YPEL1: variants seen among roughly 807,000 people sequenced by gnomAD.
YPEL1 encodes protein yippee-like 1.
In YPEL1, 7 loss-of-function variants were observed where a neutral mutation model predicts 17.3. The observed-to-expected ratio is 0.40, with a 90% CI of 0.23 to 0.76. YPEL1 has a LOEUF of 0.76. Among genes scored for constraint, YPEL1 ranks in the 30% least tolerant of loss-of-function variants. The pLI is 0.35. For missense variants in YPEL1, 91 were observed against 155.5 expected (o/e 0.59, Z 2.21); for synonymous variants, 59 against 59.6 (o/e 0.99, Z 0.05).
intron 2 of YPEL1, 46 bp downstream of exon 2, chr22:21,710,575 CCACAATG>C: frequency 7.1e-7 from 1 of 1,408,264 alleles, no homozygotes. Flanking sequence ...TATGTAGGTA[CCACAATG>C]ACAGATAATC....
intron 2 of YPEL1, among the ~76,000 whole-genome samples, chr22:21,704,384 T>C (rs373380998): frequency 3.9e-5 from 6 of 152,188 alleles, no homozygotes; most frequent in African/African-American, 1.4e-4. Context: ...TGGCTGAGTA[T>C]GGCGGCTCAC....
intron 1 of YPEL1, among the ~76,000 whole-genome samples, chr22:21,726,600 C>T (rs1395447659): frequency 1.3e-5 from 2 of 152,180 alleles, no homozygotes; most frequent in South Asian, 2.1e-4. Context: ...GGAAGCGGTG[C>T]GTCCCCATCA....
chr22:21,709,106 T>C (rs189560110), intron 2 of YPEL1, among the ~76,000 whole-genome samples: 41 of 152,180 alleles, frequency 2.7e-4, no homozygotes, highest in African/African-American at 1.2e-4. Context: ...GGGCCGGACA[T>C]TGACCACCTC....
chr22:21,715,071 T>C (rs368702963), intron 1 of YPEL1, among the ~76,000 whole-genome samples: 7 of 152,210 alleles, frequency 4.6e-5, no homozygotes, highest in Non-Finnish European at 1.0e-4. Context: ...GGCATGTATG[T>C]ATAGTATGTG....
intron 2 of YPEL1, among the ~76,000 whole-genome samples, chr22:21,708,331 C>CT (rs775485136): frequency 0.013 from 1,353 of 102,110 alleles, 40 homozygotes; most frequent in Admixed American, 0.025. Context: ...AGGCTTCTGC[C>CT]TTTTTTTTTT....
rs1448808322 is a variant in YPEL1 at position 21,703,488 on chromosome 22, C to T, written c.162-10G>A. 1 of 1,605,066 alleles carries T rather than the reference C, an allele frequency of 6.2e-7. No individual in the cohort carries two copies. Among genetic ancestry groups the T allele is most frequent in the South Asian group, 1.1e-5 (1 of 91,052 alleles). On this transcript the variant is annotated splice_polypyrimidine_tract_variant and intron_variant, in intron 3 of 4. Coordinates refer to ENST00000339468, the MANE Select transcript of YPEL1 (RefSeq NM_013313.5). This position sits in a 1 kb window ranked among gnomAD's most constrained non-coding sequence, Gnocchi z 6.1. Reference sequence around the variant, plus strand: ...GCAGCCCACGTTCACCCTGCGGGGACAGAGGGGCCACTGCGCTGCAGGCCC... The same window carrying T: ...GCAGCCCACGTTCACCCTGCGGGGATAGAGGGGCCACTGCGCTGCAGGCCC...
intron 1 of YPEL1, among the ~76,000 whole-genome samples, chr22:21,716,189 G>A (rs1407085612): frequency 6.6e-6 from 1 of 152,216 alleles, no homozygotes; most frequent in Non-Finnish European, 1.5e-5. Flanking sequence ...GATTACAGGA[G>A]TGAGCCACCG....
At chr22:21,707,516 G>C (rs2068126416) in intron 2 of YPEL1, among the ~76,000 whole-genome samples, 1 of 152,198 alleles carries the variant, frequency 6.6e-6, no homozygotes, top group South Asian at 2.1e-4. Flanking sequence ...AAGCTGTTGA[G>C]ATCTGGGGAG....
At chr22:21,721,136 G>C (rs983624235) in intron 1 of YPEL1, among the ~76,000 whole-genome samples, 1 of 150,420 alleles carries the variant, frequency 6.6e-6, no homozygotes, top group Admixed American at 6.7e-5. Context: ...TTGGGGGGGG[G>C]AGGGGAGGAC....
intron 2 of YPEL1, 111 bp downstream of exon 2, chr22:21,710,517 G>C (rs1017093376): frequency 7.3e-6 from 7 of 957,002 alleles, no homozygotes; most frequent in Non-Finnish European, 1.2e-5. Flanking sequence ...TAGACGTTCA[G>C]GACACAGCAG....
chr22:21,733,527 G>A (rs1424048555), intron 1 of YPEL1, among the ~76,000 whole-genome samples: 1 of 152,118 alleles, frequency 6.6e-6, no homozygotes, highest in East Asian at 1.9e-4. Context: ...CAGCTCAGGA[G>A]TTTGAGACCA....
intron 1 of YPEL1, among the ~76,000 whole-genome samples, chr22:21,715,704 C>CA (rs1569061983): frequency 8.3e-6 from 1 of 120,486 alleles, no homozygotes; most frequent in Non-Finnish European, 2.1e-5. Flanking sequence ...GCCTCAGCCT[C>CA]CTGAGTAGCT....
At chr22:21,713,438 A>C (rs2068190604) in intron 1 of YPEL1, among the ~76,000 whole-genome samples, 1 of 152,194 alleles carries the variant, frequency 6.6e-6, no homozygotes, top group Non-Finnish European at 1.5e-5. Flanking sequence ...CCAGCCTTTA[A>C]CAGGAGGGGG....
At position 21,703,466 on chromosome 22, in the gene YPEL1, G is replaced by T. The variant is rs754044706; in HGVS notation, c.174C>A (p.Gly58=). ...GGACCCTCTCCTCTGCAGGGCCGCAGCCCACGTTCACCCTGCGGGGACAGA... is the reference window on the plus strand; with the variant it reads ...GGACCCTCTCCTCTGCAGGGCCGCATCCCACGTTCACCCTGCGGGGACAGA... ...AYLFNSVVNV[G]CGPAEERVLL... Residue 58 remains glycine (G), a synonymous_variant, in exon 4 of 5, where the codon GGC becomes GGA. Transcript: ENST00000339468. This position sits in a 1 kb window ranked among gnomAD's most constrained non-coding sequence, Gnocchi z 6.1. 3 of 1,610,026 alleles carry T rather than the reference G, an allele frequency of 1.9e-6. No individual in the cohort carries two copies. Among genetic ancestry groups the T allele is most frequent in the Non-Finnish European group, 2.5e-6 (3 of 1,179,866 alleles).
chr22:21,714,456 CTGCTGACG>C (rs2068202000), intron 1 of YPEL1, among the ~76,000 whole-genome samples: 2 of 152,210 alleles, frequency 1.3e-5, no homozygotes, highest in Non-Finnish European at 2.9e-5. Context: ...TGAGACTTCT[CTGCTGACG>C]TGCAGCCAAG....
At position 21,735,754 on chromosome 22, in the gene YPEL1, C is replaced by T. The variant is rs894033872; in HGVS notation, c.-304G>A. On this transcript the variant is annotated 5_prime_UTR_variant, in exon 1 of 5. Coordinates refer to ENST00000339468, the MANE Select transcript of YPEL1 (RefSeq NM_013313.5). ...AACGCCTAGGCAGGGCGCGAGGCAT[C>T]CTCCCGCCGCCGCCCCGCGGGCCGC... 6.6e-6 allele frequency: 1 copy of T among 150,830 alleles called. No individual in the cohort carries two copies. 9.3% of individuals were successfully genotyped at this position (150,830 alleles called of 1,614,324 possible).
At chr22:21,708,769 C>T (rs1272606799) in intron 2 of YPEL1, among the ~76,000 whole-genome samples, 3 of 150,864 alleles carry the variant, frequency 2.0e-5, no homozygotes, top group East Asian at 2.0e-4. Context: ...CAGGTTCAAA[C>T]GATTCTCCTG....
intron 1 of YPEL1, among the ~76,000 whole-genome samples, chr22:21,724,454 T>A (rs2068312862): frequency 6.6e-6 from 1 of 152,010 alleles, no homozygotes; most frequent in Non-Finnish European, 1.5e-5. Flanking sequence ...GGAGAATAGC[T>A]TGAACTCGGG....
At chr22:21,713,921 G>A (rs937497290) in intron 1 of YPEL1, among the ~76,000 whole-genome samples, 6 of 152,120 alleles carry the variant, frequency 3.9e-5, no homozygotes, top group South Asian at 2.1e-4. Flanking sequence ...CAGGCACACC[G>A]GATTTTCTTT....
Sources: allele counts gnomAD v4.1 joint callset (sites outside exome capture counted in the v4.1 genomes callset), GRCh38; gene constraint gnomAD v4.1.1; non-coding constraint Gnocchi (gnomAD v3.1); transcripts MANE v1.5; gene names NCBI Gene and HGNC (gene_info 2026-07-23, HGNC 2026-07-21).